The following NLGN1 variants were observed in gnomAD, a reference collection of about 807,000 sequenced individuals.
NLGN1 encodes the protein neuroligin 1.
NLGN1 carries 12 observed loss-of-function variants against 65.5 expected under a neutral mutation model. That is an observed-to-expected ratio of 0.18 (90% CI 0.12 to 0.30). The LOEUF is 0.30. Ranked by LOEUF, NLGN1 falls within the 10% of genes least tolerant of loss-of-function variation. The probability of loss-of-function intolerance (pLI) is 1.00; values close to 1 mark genes in which losing one functional copy is unlikely to be tolerated. For synonymous variants in NLGN1, 350 were observed against 359.5 expected, an observed-to-expected ratio of 0.97 and a Z score of 0.30; for missense variants, 750 against 1,007.1, an observed-to-expected ratio of 0.74 and a Z score of 3.46.
intron 3 of NLGN1, 41 bp downstream of exon 3, chr3:173,605,634 T>C (rs1213246533): frequency 7.9e-6 from 8 of 1,013,324 alleles, no homozygotes; most frequent in Non-Finnish European, 1.1e-5. Flanking sequence ...GGAAAAAGCT[T>C]GCAGAGGAAG....
chr3:173,485,433 C>T (rs1728019931), intron 2 of NLGN1, among the ~76,000 whole-genome samples: 1 of 152,154 alleles, frequency 6.6e-6, no homozygotes, highest in Non-Finnish European at 1.5e-5. Context: ...TGTTTACTTT[C>T]TCTTCCGTTT....
At chr3:174,086,319 A>G (rs1743378377) in intron 4 of NLGN1, among the ~76,000 whole-genome samples, 1 of 150,464 alleles carries the variant, frequency 6.6e-6, no homozygotes, top group Admixed American at 6.6e-5. Context: ...ATAAATATAT[A>G]TATATATTTA....
At chr3:173,946,420 A>G (rs1463253062) in intron 4 of NLGN1, among the ~76,000 whole-genome samples, 3 of 152,208 alleles carry the variant, frequency 2.0e-5, no homozygotes, top group Admixed American at 6.5e-5. Context: ...GCAATAGTTT[A>G]TGAACATTTC....
intron 3 of NLGN1, among the ~76,000 whole-genome samples, chr3:173,779,416 G>A (rs1436769447): frequency 6.6e-6 from 1 of 151,960 alleles, no homozygotes; most frequent in African/African-American, 2.4e-5. Context: ...TGAATCATTA[G>A]AAAATATGGA....
chr3:173,809,044 C>T (rs1487828038), intron 4 of NLGN1, among the ~76,000 whole-genome samples: 1 of 152,214 alleles, frequency 6.6e-6, no homozygotes, highest in East Asian at 1.9e-4. Context: ...AAGTCTCAGT[C>T]ATTTTCTAGT....
intron 3 of NLGN1, among the ~76,000 whole-genome samples, chr3:173,684,003 G>A (rs1251910635): frequency 2.0e-5 from 3 of 151,990 alleles, no homozygotes; most frequent in Non-Finnish European, 4.4e-5. Flanking sequence ...ATATGATTAT[G>A]ATTTACATAG....
At chr3:174,273,849 T>TTCA (rs1168733748) in intron 4 of NLGN1, among the ~76,000 whole-genome samples, 10 of 151,722 alleles carry the variant, frequency 6.6e-5, no homozygotes, top group Admixed American at 4.6e-4. Context: ...AGAATTTGTC[T>TTCA]TCATCTATTC....
At chr3:173,572,759 T>G (rs762202805) in intron 2 of NLGN1, among the ~76,000 whole-genome samples, 1 of 152,188 alleles carries the variant, frequency 6.6e-6, no homozygotes, top group Non-Finnish European at 1.5e-5. Context: ...TCTCATCTGA[T>G]CAGTCCTTTC....
At chr3:174,090,635 C>A (rs1241252954) in intron 4 of NLGN1, among the ~76,000 whole-genome samples, 1 of 151,986 alleles carries the variant, frequency 6.6e-6, no homozygotes, top group Non-Finnish European at 1.5e-5. Context: ...TCTAACCAAA[C>A]CAGTAAAACT....
At chr3:174,025,424 A>G (rs1728643210) in intron 4 of NLGN1, among the ~76,000 whole-genome samples, 1 of 152,336 alleles carries the variant, frequency 6.6e-6, no homozygotes, top group Admixed American at 6.5e-5. Flanking sequence ...TACAAAGCCA[A>G]CAGTTTAAGA....
intron 2 of NLGN1, among the ~76,000 whole-genome samples, chr3:173,556,353 C>G (rs1049607124): frequency 3.9e-5 from 6 of 152,256 alleles, no homozygotes; most frequent in African/African-American, 1.2e-4. Context: ...CAGTTTCTCT[C>G]TAAGCACTGC....
intron 3 of NLGN1, among the ~76,000 whole-genome samples, chr3:173,716,460 A>G (rs1197760572): frequency 6.6e-6 from 1 of 152,128 alleles, no homozygotes; most frequent in Non-Finnish European, 1.5e-5. Flanking sequence ...ATAGCAGACT[A>G]AGTGCTGCTA....
At chr3:173,881,077 T>C (rs980352930) in intron 4 of NLGN1, among the ~76,000 whole-genome samples, 1 of 151,226 alleles carries the variant, frequency 6.6e-6, no homozygotes, top group African/African-American at 2.4e-5. Flanking sequence ...AGTCACATCT[T>C]CAGGCTCCCT....
chr3:173,546,510 A>G (rs1262159057), intron 2 of NLGN1, among the ~76,000 whole-genome samples: 1 of 152,204 alleles, frequency 6.6e-6, no homozygotes. Flanking sequence ...AAATAAAAAT[A>G]TATTGGTTAA....
intron 1 of NLGN1, among the ~76,000 whole-genome samples, chr3:173,411,500 C>G (rs565101093): frequency 3.5e-4 from 54 of 152,244 alleles, no homozygotes; most frequent in African/African-American, 1.2e-3. Context: ...GGGCTGGTGA[C>G]TGATGGCCCT....
intron 4 of NLGN1, among the ~76,000 whole-genome samples, chr3:173,879,618 T>C (rs935605075): frequency 6.6e-6 from 1 of 150,392 alleles, no homozygotes; most frequent in Non-Finnish European, 1.5e-5. Flanking sequence ...CTATTGAATA[T>C]TGATGACTTT....
At chr3:173,418,160 T>C (rs897114987) in intron 1 of NLGN1, among the ~76,000 whole-genome samples, 14 of 148,888 alleles carry the variant, frequency 9.4e-5, no homozygotes, top group Non-Finnish European at 1.9e-4. Context: ...CACATATTAA[T>C]ATGTGAAATA....
At chr3:173,444,162 T>C (rs747979027) in intron 2 of NLGN1, among the ~76,000 whole-genome samples, 1 of 152,234 alleles carries the variant, frequency 6.6e-6, no homozygotes, top group Non-Finnish European at 1.5e-5. Flanking sequence ...ACAGTCTTGT[T>C]TATAAAATCC....
At chr3:173,702,997 C>T (rs923744609) in intron 3 of NLGN1, among the ~76,000 whole-genome samples, 1 of 151,950 alleles carries the variant, frequency 6.6e-6, no homozygotes, top group African/African-American at 2.4e-5. Context: ...CCTAGCCATC[C>T]CATGCTAATG....
Sources: allele counts gnomAD v4.1 joint callset (sites outside exome capture counted in the v4.1 genomes callset), GRCh38; gene constraint gnomAD v4.1.1; transcripts MANE v1.5; gene names NCBI Gene and HGNC (gene_info 2026-07-23, HGNC 2026-07-21).